Variants in CBFA2T2 observed in about 807,000 individuals in gnomAD.
CBFA2T2 encodes the protein protein CBFA2T2.
CBFA2T2 carries 11 observed loss-of-function variants against 62.2 expected under a neutral mutation model. That is an observed-to-expected ratio of 0.18 (90% CI 0.11 to 0.29). The LOEUF is 0.29. Among genes scored for constraint, CBFA2T2 ranks in the 10% least tolerant of loss-of-function variants. The pLI, the probability that CBFA2T2 is intolerant of heterozygous loss-of-function variation, is 1.00. For missense variants in CBFA2T2, 592 were observed against 774.1 expected (o/e 0.76, Z 2.79); for synonymous variants, 295 against 287.5 (o/e 1.03, Z -0.27).
At chr20:33,564,014 T>C (rs2013187997) in intron 1 of CBFA2T2, among the ~76,000 whole-genome samples, 1 of 152,150 alleles carries the variant, frequency 6.6e-6, no homozygotes, top group Non-Finnish European at 1.5e-5. Flanking sequence ...GTGACGACAC[T>C]GTTGAAATTG....
chr20:33,607,921 A>G (rs1329094940), intron 2 of CBFA2T2, among the ~76,000 whole-genome samples: 2 of 152,230 alleles, frequency 1.3e-5, no homozygotes, highest in African/African-American at 2.4e-5. Flanking sequence ...TTCACTAACC[A>G]TCAAGGAAAT....
chr20:33,490,899 A>G (rs1426929159), intron 1 of CBFA2T2, among the ~76,000 whole-genome samples: 1 of 152,200 alleles, frequency 6.6e-6, no homozygotes, highest in Non-Finnish European at 1.5e-5. Flanking sequence ...ACCGTGGCAC[A>G]CACACAATTG....
chr20:33,600,858 C>A (rs1451441122), intron 1 of CBFA2T2, among the ~76,000 whole-genome samples: 1 of 152,134 alleles, frequency 6.6e-6, no homozygotes, highest in Non-Finnish European at 1.5e-5. Flanking sequence ...GATCTGGATC[C>A]TCAAAATCCA....
chr20:33,624,822 G>C lies in CBFA2T2; in HGVS notation c.751G>C (p.Val251Leu). Residue 251 changes from valine to leucine, a missense_variant, in exon 6 of 11, where the codon GTA becomes CTA. Coordinates refer to ENST00000342704, the MANE Select transcript of CBFA2T2 (RefSeq NM_001032999.3). The part of the protein sequence containing the change: ...TIAPEPPAKR[V>L]CTISPAPRHS... ...TGCTCCTGAGCCTCCTGCCAAGAGA[G>C]TATGTACCATCAGCCCTGCTCCTCG... is the stretch of plus-strand genomic sequence containing the variant. 2 of 1,614,164 alleles carry C rather than the reference G, an allele frequency of 1.2e-6. No individual in the cohort carries two copies. The highest frequency in any genetic ancestry group is 1.1e-5 in the South Asian group (1 of 91,084).
intron 1 of CBFA2T2, among the ~76,000 whole-genome samples, chr20:33,496,804 G>C (rs1479663724): frequency 6.6e-6 from 1 of 152,140 alleles, no homozygotes. Flanking sequence ...TTCTAGGTCT[G>C]CTTTCCATCC....
In CBFA2T2 at chr20:33,490,143, T is replaced by C. The variant is rs2146837883; in HGVS notation, c.-125T>C. 9.9e-7 allele frequency: 1 copy of C among 1,007,256 alleles called. No homozygotes were observed. The highest frequency in any genetic ancestry group is 1.3e-6 in the Non-Finnish European group (1 of 799,982). The allele number at this position is 1,007,256 out of a possible 1,614,324, so 62.4% of individuals were successfully genotyped here. A position where few individuals can be genotyped will look rare whatever the true frequency, so the allele number is the denominator to read the frequency against. The stretch of plus-strand genomic sequence containing the variant: ...GCAGCGGTGGTGGTGTCTGGTTAGC[T>C]CGGCGGCTGCAGATCTCGCGGCGAC... On this transcript the variant is annotated 5_prime_UTR_variant, in exon 1 of 11. Coordinates refer to ENST00000342704, the MANE Select transcript of CBFA2T2 (RefSeq NM_001032999.3).
chr20:33,575,610 GT>G lies in CBFA2T2; in HGVS notation c.35-31336del, dbSNP rs1220190029. 3.6e-4 allele frequency among the ~76,000 whole-genome samples: 54 copies of G among 149,946 alleles called. 1 individual carries two copies. The highest frequency in any genetic ancestry group is 1.8e-3 in the Admixed American group (27 of 15,018). ...GAGTTATAGAGTCTTTCTTAATAGG[GT>G]TTTTTTTTTCCTTTTTCGCTAGAAG... On this transcript the variant is annotated intron_variant, in intron 1 of 10. Coordinates refer to ENST00000342704, the MANE Select transcript of CBFA2T2 (RefSeq NM_001032999.3).
chr20:33,527,466 G>A (rs991717298), intron 1 of CBFA2T2, among the ~76,000 whole-genome samples: 6 of 150,550 alleles, frequency 4.0e-5, no homozygotes, highest in South Asian at 2.1e-4. Flanking sequence ...ACTGCCTTCC[G>A]GGTTCAAGCA....
chr20:33,513,683 A>G (rs6120284), intron 1 of CBFA2T2, among the ~76,000 whole-genome samples: 147,005 of 150,220 alleles, frequency 0.98, 72,001 homozygotes, highest in East Asian at 1. Context: ...GCATGGTGGC[A>G]GGTGCCTGTA....
rs373214425 is a variant in CBFA2T2, at chr20:33,634,727, A to G, written c.1229-1913A>G. ...TGAATATATGTGTTTAATGAGTTCA[A>G]TAAGCAGGCAAGTTTGGGAAAACTG... On this transcript the variant is annotated intron_variant, in intron 8 of 10. Coordinates refer to ENST00000342704, the MANE Select transcript of CBFA2T2 (RefSeq NM_001032999.3). Among the ~76,000 whole-genome samples, 6 of 152,108 alleles carry G rather than the reference A, an allele frequency of 3.9e-5. No individual in the cohort carries two copies. In the East Asian group the frequency reaches 5.8e-4, roughly 15 times the overall value.
chr20:33,492,813 T>C (rs1222890413), intron 1 of CBFA2T2, among the ~76,000 whole-genome samples: 1 of 152,130 alleles, frequency 6.6e-6, no homozygotes, highest in Admixed American at 6.6e-5. Context: ...GCCTGGCCTT[T>C]TTTAGTGTTT....
intron 1 of CBFA2T2, among the ~76,000 whole-genome samples, chr20:33,552,208 G>T (rs2012759735): frequency 6.6e-6 from 1 of 151,868 alleles, no homozygotes; most frequent in South Asian, 2.1e-4. Context: ...CATATAAATT[G>T]GAAAATTAGA....
intron 7 of CBFA2T2, 68 bp from the exon 8 acceptor site, chr20:33,629,651 C>CTA (rs2016378040): frequency 1.4e-6 from 2 of 1,400,152 alleles, no homozygotes; most frequent in Admixed American, 2.2e-5. Context: ...ATTGCGTTGG[C>CTA]CTGATTTACA....
intron 1 of CBFA2T2, among the ~76,000 whole-genome samples, chr20:33,539,717 T>G (rs1020168307): frequency 1.2e-4 from 18 of 151,572 alleles, no homozygotes; most frequent in African/African-American, 4.4e-4. Context: ...AAGACAGTCT[T>G]TGTCTGTCAC....
At chr20:33,598,229 G>C (rs1035270500) in intron 1 of CBFA2T2, among the ~76,000 whole-genome samples, 1 of 152,050 alleles carries the variant, frequency 6.6e-6, no homozygotes, top group Non-Finnish European at 1.5e-5. Flanking sequence ...GAGATAAACC[G>C]GTCTGACCAA....
At chr20:33,538,890 C>T (rs2012336341) in intron 1 of CBFA2T2, among the ~76,000 whole-genome samples, 1 of 149,552 alleles carries the variant, frequency 6.7e-6, no homozygotes, top group South Asian at 2.1e-4. Flanking sequence ...GTGAGGTATT[C>T]TCTCAGTCTA....
intron 2 of CBFA2T2, among the ~76,000 whole-genome samples, chr20:33,610,772 T>C (rs1363648926): frequency 6.6e-6 from 1 of 152,158 alleles, no homozygotes; most frequent in African/African-American, 2.4e-5. Flanking sequence ...AAAGATCTAT[T>C]GGCCCAGACC....
intron 1 of CBFA2T2, among the ~76,000 whole-genome samples, chr20:33,591,747 T>C (rs2014646990): frequency 6.6e-6 from 1 of 152,002 alleles, no homozygotes; most frequent in Non-Finnish European, 1.5e-5. Context: ...AGAGACATTC[T>C]CTGCTCTCTT....
At position 33,585,799 on chromosome 20, in the gene CBFA2T2, C is replaced by CTGGAA. The variant is rs532010738; in HGVS notation, c.35-21156_35-21152dup. Among the ~76,000 whole-genome samples the CTGGAA allele has an allele frequency of 2.6e-4, 40 of 152,322 alleles. No homozygotes were observed. The East Asian group carries it at 6.0e-3, about 23-fold the overall frequency. On this transcript the variant is annotated intron_variant, in intron 1 of 10. Coordinates refer to ENST00000342704, the MANE Select transcript of CBFA2T2 (RefSeq NM_001032999.3). The stretch of plus-strand genomic sequence containing the variant: ...AATCTAGAAAGCATTATAGTCTTAA[C>CTGGAA]TGGAAATACATAATTATTTTCTCTC...
Sources: allele counts gnomAD v4.1 joint callset (sites outside exome capture counted in the v4.1 genomes callset), GRCh38; gene constraint gnomAD v4.1.1; transcripts MANE v1.5; gene names NCBI Gene and HGNC (gene_info 2026-07-23, HGNC 2026-07-21).